SLC30A7: variants seen among roughly 807,000 people sequenced by gnomAD.
SLC30A7 encodes zinc transporter 7.
A neutral mutation model predicts 46.0 loss-of-function variants in SLC30A7; 35 were observed. The observed-to-expected ratio is 0.76, with a 90% CI of 0.58 to 1.01. The LOEUF (loss-of-function observed/expected upper bound fraction) is 1.01. Ranked by LOEUF, SLC30A7 falls within the 50% of genes least tolerant of loss-of-function variation. The probability of loss-of-function intolerance (pLI) is 0.00; values close to 1 mark genes in which losing one functional copy is unlikely to be tolerated. For missense variants in SLC30A7, 464 were observed against 451.1 expected (o/e 1.03, Z -0.26); for synonymous variants, 147 against 157.8 (o/e 0.93, Z 0.51).
chr1:100,962,582 A>G lies in SLC30A7; in HGVS notation c.933+664A>G, dbSNP rs770041030. ...AAAAAGGCCATTGTGGCTGGAGCAT[A>G]TTAAATAAAGGGAAGAATGGCTTGA... On this transcript the variant is annotated intron_variant, in intron 9 of 10. Transcript: ENST00000357650. 3.3e-5 allele frequency among the ~76,000 whole-genome samples: 5 copies of G among 152,352 alleles called. No individual in the cohort carries two copies. In the East Asian group the frequency reaches 7.7e-4, roughly 23 times the overall value.
chr1:100,924,316 A>G lies in SLC30A7; in HGVS notation c.842+2475A>G, dbSNP rs531061315. On this transcript the variant is annotated intron_variant, in intron 8 of 10. Transcript: ENST00000357650. ...ACAGTAAGTTAGTTTTAGTTCCCTG[A>G]GTATGTTATCAGCTCTCTGGATTCT... 2.1e-4 allele frequency among the ~76,000 whole-genome samples: 32 copies of G among 152,238 alleles called. No individual in the cohort carries two copies. In the East Asian group the frequency reaches 5.4e-3, roughly 26 times the overall value.
chr1:100,914,330 C>A (rs1382312244), intron 6 of SLC30A7, among the ~76,000 whole-genome samples: 1 of 152,068 alleles, frequency 6.6e-6, no homozygotes, highest in African/African-American at 2.4e-5. Context: ...ATTAACCGTC[C>A]CCCTTTCCCT....
intron 6 of SLC30A7, among the ~76,000 whole-genome samples, chr1:100,917,059 T>A (rs1316666942): frequency 1.3e-5 from 2 of 152,256 alleles, no homozygotes; most frequent in Non-Finnish European, 2.9e-5. Flanking sequence ...GTAATCCTTC[T>A]TGTCTATTTT....
chr1:100,971,086 C>G (rs1656137028), intron 10 of SLC30A7, among the ~76,000 whole-genome samples: 1 of 152,082 alleles, frequency 6.6e-6, no homozygotes, highest in Non-Finnish European at 1.5e-5. Flanking sequence ...GTGCTCTATT[C>G]TCTGTCCTCA....
chr1:100,964,276 CTATAACATATATGTTATATAACT>C (rs1487593350), intron 9 of SLC30A7, among the ~76,000 whole-genome samples: 3 of 145,748 alleles, frequency 2.1e-5, no homozygotes, highest in Non-Finnish European at 4.5e-5. Context: ...GTTATATAAC[CTATAACATATATGTTATATAACT>C]TATGTAACCT....
chr1:100,979,325 T>C lies in SLC30A7; in HGVS notation c.*4468T>C, dbSNP rs1327665584. ...TAAAAGGAAATTATATGTTTTTCTT[T>C]GGACATTCATTGGAAGGCTTGTTGA... On this transcript the variant is annotated 3_prime_UTR_variant, in exon 11 of 11. Transcript: ENST00000357650. 4 of 151,078 alleles carry C rather than the reference T, an allele frequency of 2.6e-5. No homozygotes were observed. 9.4% of individuals were successfully genotyped at this position (151,078 alleles called of 1,614,324 possible). A position where few individuals can be genotyped will look rare whatever the true frequency, so the allele number is the denominator to read the frequency against.
chr1:100,962,616 A>G (rs949229639), intron 9 of SLC30A7, among the ~76,000 whole-genome samples: 1 of 152,182 alleles, frequency 6.6e-6, no homozygotes, highest in African/African-American at 2.4e-5. Flanking sequence ...GAAAGCCTGG[A>G]GAGAATGGCA....
chr1:100,975,844 T>G lies in SLC30A7; in HGVS notation c.*987T>G, dbSNP rs1656456537. The G allele has an allele frequency of 6.6e-6, 1 of 151,178 alleles. No homozygotes were observed. The highest frequency in any genetic ancestry group is 2.4e-5 in the African/African-American group (1 of 41,114). 9.4% of individuals were successfully genotyped at this position (151,178 alleles called of 1,614,324 possible). ...CCCGGCTATGTTTTTTTTTTTTTTT[T>G]TTTTTTTTTTTAACAATGGATATTC... is the stretch of plus-strand genomic sequence containing the variant. On this transcript the variant is annotated 3_prime_UTR_variant, in exon 11 of 11. Transcript: ENST00000357650.
At chr1:100,944,061 T>A (rs1654489907) in intron 8 of SLC30A7, among the ~76,000 whole-genome samples, 2 of 152,346 alleles carry the variant, frequency 1.3e-5, no homozygotes, top group African/African-American at 4.8e-5. Flanking sequence ...TTTATTTATA[T>A]ATTTTTTCGA....
intron 8 of SLC30A7, among the ~76,000 whole-genome samples, chr1:100,939,966 G>C (rs1338499363): frequency 6.6e-6 from 1 of 152,100 alleles, no homozygotes; most frequent in Admixed American, 6.5e-5. Flanking sequence ...AGTAAAAATT[G>C]ATTTTAAAGT....
chr1:100,984,468 C>T (rs1416774043), downstream of SLC30A7, among the ~76,000 whole-genome samples: 1 of 152,182 alleles, frequency 6.6e-6, no homozygotes, highest in Non-Finnish European at 1.5e-5. Context: ...ATGCTTGGAT[C>T]TGATTCTATT....
rs781446028 is a variant in SLC30A7 at position 100,921,679 on chromosome 1, T to G, written c.707-27T>G. On this transcript the variant is annotated intron_variant, in intron 7 of 10. Coordinates refer to ENST00000357650, the MANE Select transcript of SLC30A7 (RefSeq NM_133496.5). Reference sequence around the variant, plus strand: ...ATTTTAAATTAACCAAAAGACTGTTTTGATTTTTATTATGGTTTATTTCTA... The same window carrying G: ...ATTTTAAATTAACCAAAAGACTGTTGTGATTTTTATTATGGTTTATTTCTA... 2.5e-6 allele frequency: 4 copies of G among 1,574,126 alleles called. 1 individual carries two copies. The East Asian group carries it at 9.0e-5, about 35-fold the overall frequency.
intron 8 of SLC30A7, among the ~76,000 whole-genome samples, chr1:100,939,529 A>G (rs1391654072): frequency 6.6e-6 from 1 of 152,088 alleles, no homozygotes; most frequent in Non-Finnish European, 1.5e-5. Flanking sequence ...TTTTTTGTCA[A>G]CTATGACATT....
intron 8 of SLC30A7, chr1:100,941,311 T>G (rs960434894): frequency 5.3e-6 from 2 of 380,680 alleles, no homozygotes; most frequent in African/African-American, 4.2e-5. Flanking sequence ...CACTAAAGTT[T>G]CCACCACAAC....
At chr1:100,951,749 C>T (rs529329940) in intron 8 of SLC30A7, among the ~76,000 whole-genome samples, 7 of 152,206 alleles carry the variant, frequency 4.6e-5, no homozygotes, top group Admixed American at 1.3e-4. Context: ...CCTGATTTCT[C>T]CCTCCTTACC....
At chr1:100,937,249 G>A (rs1268262473) in intron 8 of SLC30A7, among the ~76,000 whole-genome samples, 1 of 152,078 alleles carries the variant, frequency 6.6e-6, no homozygotes, top group Non-Finnish European at 1.5e-5. Flanking sequence ...AAACATCTGT[G>A]GGAGGTTTTG....
downstream of SLC30A7, chr1:100,981,795 A>C (rs907871430): frequency 1.3e-5 from 2 of 152,204 alleles, no homozygotes; most frequent in African/African-American, 4.8e-5. Context: ...AACTGAAACA[A>C]ACACTGTGAA....
the SLC30A7 span, among the ~76,000 whole-genome samples, chr1:100,993,573 T>TATATATATATATATAG: frequency 1.2e-5 from 1 of 84,298 alleles, no homozygotes; most frequent in Non-Finnish European, 2.6e-5. Context: ...TATATATATA[T>TATATATATATATATAG]ATATATATAT....
chr1:100,987,849 TTA>T, the SLC30A7 span, among the ~76,000 whole-genome samples: 1 of 152,206 alleles, frequency 6.6e-6, no homozygotes, highest in African/African-American at 2.4e-5. Flanking sequence ...TGATTTTATA[TTA>T]TGTTAAAGGT....
Sources: allele counts gnomAD v4.1 joint callset (sites outside exome capture counted in the v4.1 genomes callset), GRCh38; gene constraint gnomAD v4.1.1; transcripts MANE v1.5; gene names NCBI Gene and HGNC (gene_info 2026-07-23, HGNC 2026-07-21).